SGPL1: variants seen among roughly 807,000 people sequenced by gnomAD.
The protein encoded by SGPL1 is sphingosine-1-phosphate lyase 1, also known as SP-lyase 1.
In SGPL1, 37 loss-of-function variants were observed where a neutral mutation model predicts 68.9. That is an observed-to-expected ratio of 0.54 (90% confidence interval 0.41 to 0.71). The LOEUF is 0.71. Among genes scored for constraint, SGPL1 ranks in the 30% least tolerant of loss-of-function variants. The probability of loss-of-function intolerance (pLI) is 0.00; values close to 1 mark genes in which losing one functional copy is unlikely to be tolerated. For missense variants in SGPL1, 551 were observed against 704.6 expected (o/e 0.78, Z 2.47); for synonymous variants, 236 against 248.5 (o/e 0.95, Z 0.47).
chr10:70,872,639 A>G (rs1403762718), intron 11 of SGPL1, among the ~76,000 whole-genome samples: 2 of 152,328 alleles, frequency 1.3e-5, no homozygotes, highest in East Asian at 1.9e-4. Context: ...TTTAAACTCA[A>G]GTATATTAAA....
chr10:70,850,423 C>T (rs1225306001), intron 3 of SGPL1, among the ~76,000 whole-genome samples: 2 of 152,120 alleles, frequency 1.3e-5, no homozygotes, highest in Non-Finnish European at 2.9e-5. Flanking sequence ...ACAGGCTGCC[C>T]ATTAGTCTTG....
At chr10:70,862,258 T>C (rs551969821) in intron 7 of SGPL1, among the ~76,000 whole-genome samples, 4 of 152,218 alleles carry the variant, frequency 2.6e-5, no homozygotes, top group African/African-American at 9.6e-5. Context: ...GGTTTCTGAG[T>C]GCACCAATCG....
chr10:70,825,637 G>A (rs1368331907), intron 2 of SGPL1, among the ~76,000 whole-genome samples: 1 of 152,170 alleles, frequency 6.6e-6, no homozygotes, highest in Admixed American at 6.5e-5. Context: ...AATCTTAATT[G>A]CCTGGAGGGC....
At chr10:70,859,601 A>T in intron 7 of SGPL1, 102 bp downstream of exon 7, 1 of 543,310 alleles carries the variant, frequency 1.8e-6, no homozygotes, top group Non-Finnish European at 2.5e-6. Flanking sequence ...AAAATATTAA[A>T]AATATTTTAC....
At chr10:70,830,024 G>A (rs937463023) in intron 2 of SGPL1, among the ~76,000 whole-genome samples, 22 of 152,140 alleles carry the variant, frequency 1.4e-4, no homozygotes, top group African/African-American at 5.1e-4. Context: ...GGAGTCCAGA[G>A]CTTTACTCTC....
At chr10:70,870,298 G>A (rs115329338) in intron 9 of SGPL1, among the ~76,000 whole-genome samples, 1 of 152,060 alleles carries the variant, frequency 6.6e-6, no homozygotes, top group Non-Finnish European at 1.5e-5. Context: ...TTGAGCCCAG[G>A]AGTTTGCGAC....
At chr10:70,825,159 G>A (rs950629342) in intron 2 of SGPL1, among the ~76,000 whole-genome samples, 1 of 152,070 alleles carries the variant, frequency 6.6e-6, no homozygotes, top group Non-Finnish European at 1.5e-5. Context: ...AACTTTGAGA[G>A]AGTTGAGATG....
At chr10:70,845,008 G>T (rs1197964139) in intron 3 of SGPL1, among the ~76,000 whole-genome samples, 2 of 152,108 alleles carry the variant, frequency 1.3e-5, no homozygotes, top group Admixed American at 1.3e-4. Context: ...AAAGTGCTGG[G>T]ATTACAAGCG....
intron 2 of SGPL1, among the ~76,000 whole-genome samples, chr10:70,837,064 A>G (rs1046716723): frequency 6.6e-6 from 1 of 151,596 alleles, no homozygotes; most frequent in Non-Finnish European, 1.5e-5. Context: ...TAAAATTTTA[A>G]TTACGTTAAA....
At chr10:70,867,442 A>T (rs1022080720) in intron 7 of SGPL1, among the ~76,000 whole-genome samples, 4 of 152,120 alleles carry the variant, frequency 2.6e-5, no homozygotes, top group Admixed American at 6.5e-5. Flanking sequence ...GGGCGCCTGT[A>T]ATCCGAGCTA....
rs1435865522 is a variant in SGPL1 at position 70,873,522 on chromosome 10, T to C, written c.1231T>C (p.Phe411Leu). The C allele has an allele frequency of 2.5e-6, 4 of 1,614,114 alleles. No homozygotes were observed. The highest frequency in any genetic ancestry group is 3.4e-6 in the Non-Finnish European group (4 of 1,180,020). Residue 411 changes from phenylalanine (F) to leucine (L), a missense_variant, in exon 12 of 15, where the codon TTC (phenylalanine) becomes CTC (leucine). By Grantham distance (22) the Phe-to-Leu change is conservative. Coordinates refer to ENST00000373202, the MANE Select transcript of SGPL1 (RefSeq NM_003901.4). Reference sequence around the variant, plus strand: ...AGCCTGTTGGGCTGCCTTGATGCACTTCGGTGAGAACGGCTATGTTGAAGC... The same window carrying C: ...AGCCTGTTGGGCTGCCTTGATGCACCTCGGTGAGAACGGCTATGTTGAAGC... The part of the protein sequence containing the change: ...SAACWAALMH[F>L]GENGYVEATK...
At chr10:70,818,762 A>G (rs1487316594) in intron 2 of SGPL1, among the ~76,000 whole-genome samples, 2 of 152,222 alleles carry the variant, frequency 1.3e-5, no homozygotes, top group Admixed American at 1.3e-4. Context: ...CTAAAATAGT[A>G]TCTTGCCCCA....
chr10:70,841,645 A>G (rs183241713), intron 2 of SGPL1, among the ~76,000 whole-genome samples: 16 of 152,222 alleles, frequency 1.1e-4, no homozygotes, highest in Non-Finnish European at 1.5e-5. Flanking sequence ...TCCTACCATC[A>G]GCTTGAGGGT....
Position 70,873,376 on chromosome 10 carries a change from C to G in SGPL1, c.1085C>G (p.Ser362Ter). The change falls in exon 12 of 15, where the codon TCA becomes TGA. Residue 362 changes from serine (S) to a stop codon, truncating the protein, a stop_gained. Transcript: ENST00000373202. LOFTEE classifies it high-confidence loss of function. ...TATGGCTATGCCCCAAAAGGCTCAT[C>G]ATTGGTGTTGTATAGTGACAAGAAG... is the stretch of plus-strand genomic sequence containing the variant. ...HKYGYAPKGS[S>*]LVLYSDKKYR... The G allele has an allele frequency of 1.9e-6, 3 of 1,614,138 alleles. No homozygotes were observed. Among genetic ancestry groups the G allele is most frequent in the Non-Finnish European group, 2.5e-6 (3 of 1,179,956 alleles).
chr10:70,858,403 G>A (rs1399981507), intron 6 of SGPL1, among the ~76,000 whole-genome samples: 1 of 152,136 alleles, frequency 6.6e-6, no homozygotes, highest in African/African-American at 2.4e-5. Context: ...CTCTGAAAGT[G>A]TTGAGATTAC....
intron 2 of SGPL1, among the ~76,000 whole-genome samples, chr10:70,832,282 C>T (rs948434066): frequency 2.0e-5 from 3 of 152,308 alleles, no homozygotes; most frequent in African/African-American, 7.2e-5. Flanking sequence ...GGATAGGTCC[C>T]TGCTTATTCT....
intron 12 of SGPL1, among the ~76,000 whole-genome samples, chr10:70,874,082 A>G (rs1564632532): frequency 6.6e-6 from 1 of 152,254 alleles, no homozygotes; most frequent in African/African-American, 2.4e-5. Context: ...TTGGAATAAG[A>G]AAATAATTGG....
In SGPL1 at chr10:70,836,994, A is replaced by G. The variant is rs184144224; in HGVS notation, c.28-7479A>G. On this transcript the variant is annotated intron_variant, in intron 2 of 14. Coordinates refer to ENST00000373202, the MANE Select transcript of SGPL1 (RefSeq NM_003901.4). ...AAGGTGTATAATACCATGTATTCTC[A>G]TTAATTAAATTTTAATAAATTTAAA... 1.6e-3 allele frequency among the ~76,000 whole-genome samples: 240 copies of G among 152,100 alleles called. 1 individual carries two copies. The highest frequency in any genetic ancestry group is 5.6e-3 in the African/African-American group (231 of 41,564).
chr10:70,845,027 C>T (rs556913796), intron 3 of SGPL1, among the ~76,000 whole-genome samples: 12 of 152,224 alleles, frequency 7.9e-5, no homozygotes, highest in East Asian at 7.7e-4. Context: ...CGTGAGCCAC[C>T]GTGCCCGGCC....
Sources: gnomAD v4.1 joint callset for allele counts (sites outside exome capture counted in the v4.1 genomes callset) on GRCh38, gnomAD v4.1.1 for gene constraint, MANE v1.5 for transcripts, NCBI Gene and HGNC (gene_info 2026-07-23, HGNC 2026-07-21) for gene names.